ATF7IP2: variants seen among roughly 807,000 people sequenced by gnomAD.
ATF7IP2 encodes activating transcription factor 7 interacting protein 2.
In ATF7IP2, 42 loss-of-function variants were observed where a neutral mutation model predicts 64.2. That is an observed-to-expected ratio of 0.65 (90% CI 0.51 to 0.85). ATF7IP2 has a LOEUF of 0.85. ATF7IP2 is among the 40% of genes least tolerant of loss of function. ATF7IP2 has a pLI of 0.00. For synonymous variants in ATF7IP2, 308 were observed against 272.8 expected, an observed-to-expected ratio of 1.13 and a Z score of -1.27; for missense variants, 933 against 784.2, an observed-to-expected ratio of 1.19 and a Z score of -2.27.
chr16:10,392,612 G>A (rs777976279), intron 1 of ATF7IP2, among the ~76,000 whole-genome samples: 12 of 152,014 alleles, frequency 7.9e-5, no homozygotes, highest in Admixed American at 2.0e-4. Flanking sequence ...TTTGTATGAG[G>A]TCAGCAAACC....
chr16:10,457,325 A>T lies in ATF7IP2; in HGVS notation c.1195-47A>T. ...ATGCTAATTTTGTTTGGAAGGATACAATTGGTAAAATTCCCTTCAACTGCT... is the reference window on the plus strand; with the variant it reads ...ATGCTAATTTTGTTTGGAAGGATACTATTGGTAAAATTCCCTTCAACTGCT... On this transcript the variant is annotated intron_variant, in intron 8 of 13. Coordinates refer to ENST00000562102, the MANE Select transcript of ATF7IP2 (RefSeq NM_001393719.1). The T allele has an allele frequency of 2.6e-6, 4 of 1,524,504 alleles. No individual in the cohort carries two copies. In the South Asian group the frequency reaches 5.0e-5, roughly 19 times the overall value. The allele number at this position is 1,524,504 out of a possible 1,614,324, so 94.4% of individuals were successfully genotyped here. A position where few individuals can be genotyped will look rare whatever the true frequency, so the allele number is the denominator to read the frequency against.
rs202135148 is a variant in ATF7IP2 at position 10,430,824 on chromosome 16, C to T, written c.204C>T (p.Ser68=). Residue 68 remains serine, a synonymous_variant, in exon 5 of 14, where the codon AGC becomes AGT. Transcript: ENST00000562102. ...GGACGACTGAAATAACCAAATGTAG[C>T]CCTTCTGAAAATGGTGCATCCTCAT... The part of the protein sequence containing the change: ...ITRTTEITKC[S]PSENGASSLD... 2.5e-6 allele frequency: 4 copies of T among 1,613,840 alleles called. No homozygotes were observed. Among genetic ancestry groups the T allele is most frequent in the Admixed American group, 1.7e-5 (1 of 60,016 alleles).
At chr16:10,451,006 C>T (rs2048967133) in intron 8 of ATF7IP2, among the ~76,000 whole-genome samples, 4 of 152,156 alleles carry the variant, frequency 2.6e-5, no homozygotes, top group African/African-American at 9.7e-5. Flanking sequence ...GTAAGGCAGG[C>T]CTGGTGGTGA....
intron 1 of ATF7IP2, among the ~76,000 whole-genome samples, chr16:10,395,661 T>G (rs917518376): frequency 2.0e-5 from 3 of 152,196 alleles, no homozygotes; most frequent in Admixed American, 2.0e-4. Flanking sequence ...TTAAGTGCCA[T>G]ATCAAAGAGA....
At chr16:10,451,227 T>G (rs2048974558) in intron 8 of ATF7IP2, among the ~76,000 whole-genome samples, 1 of 152,234 alleles carries the variant, frequency 6.6e-6, no homozygotes, top group African/African-American at 2.4e-5. Context: ...ACCTTACCTT[T>G]CTCTCTGGCT....
At chr16:10,472,868 A>AG (rs1189750474) in intron 10 of ATF7IP2, among the ~76,000 whole-genome samples, 2 of 152,008 alleles carry the variant, frequency 1.3e-5, no homozygotes, top group Non-Finnish European at 2.9e-5. Context: ...AAAAAAAAAA[A>AG]AAAAAATTTT....
chr16:10,480,089 A>C (rs887914620), intron 12 of ATF7IP2, among the ~76,000 whole-genome samples: 3 of 146,522 alleles, frequency 2.0e-5, no homozygotes, highest in Non-Finnish European at 4.5e-5. Flanking sequence ...CCCGGGTTTA[A>C]GCAATTCTCT....
rs539634966 is a variant in ATF7IP2 at position 10,394,759 on chromosome 16, G to A, written c.-242+8637G>A. 1.5e-3 allele frequency among the ~76,000 whole-genome samples: 221 copies of A among 152,196 alleles called. 2 individuals are homozygous for A. The highest frequency in any genetic ancestry group is 2.2e-3 in the Non-Finnish European group (152 of 68,008). ...GTTGAAATTAACACTCCTAAATAATGGGTCAAAGAAATCATGAGGTTAATT... is the reference window on the plus strand; with the variant it reads ...GTTGAAATTAACACTCCTAAATAATAGGTCAAAGAAATCATGAGGTTAATT... On this transcript the variant is annotated intron_variant, in intron 1 of 13. Coordinates refer to ENST00000562102, the MANE Select transcript of ATF7IP2 (RefSeq NM_001393719.1).
intron 9 of ATF7IP2, among the ~76,000 whole-genome samples, chr16:10,466,548 C>G (rs759005876): frequency 4.6e-5 from 7 of 152,036 alleles, no homozygotes; most frequent in Non-Finnish European, 7.4e-5. Flanking sequence ...GTATCTCTTT[C>G]TTTTTAGCCA....
At chr16:10,439,373 C>G (rs914588749) in intron 7 of ATF7IP2, among the ~76,000 whole-genome samples, 1 of 151,220 alleles carries the variant, frequency 6.6e-6, no homozygotes, top group East Asian at 2.0e-4. Flanking sequence ...GTAGCTGGGA[C>G]TACAGGCGCC....
intron 9 of ATF7IP2, among the ~76,000 whole-genome samples, chr16:10,463,409 C>A (rs2049439479): frequency 6.6e-6 from 1 of 152,200 alleles, no homozygotes; most frequent in Admixed American, 6.5e-5. Flanking sequence ...GAATATGGCA[C>A]AAGTGACATT....
intron 6 of ATF7IP2, among the ~76,000 whole-genome samples, 198 bp downstream of exon 6, chr16:10,433,847 T>C (rs1359068081): frequency 1.3e-5 from 2 of 152,116 alleles, no homozygotes; most frequent in Admixed American, 1.3e-4. Context: ...TTCTTGAAAA[T>C]GGTCTCATGC....
intron 8 of ATF7IP2, chr16:10,446,202 G>T (rs893315620): frequency 6.6e-6 from 1 of 152,168 alleles, no homozygotes; most frequent in African/African-American, 2.4e-5. Context: ...CCTAACTTTT[G>T]TATGGTAATT....
intron 3 of ATF7IP2, among the ~76,000 whole-genome samples, chr16:10,420,471 T>C (rs1356534267): frequency 6.6e-6 from 1 of 152,220 alleles, no homozygotes; most frequent in Non-Finnish European, 1.5e-5. Flanking sequence ...ATAATAGCTT[T>C]AGCTTCTTTC....
chr16:10,432,536 G>T (rs942297389), intron 5 of ATF7IP2, among the ~76,000 whole-genome samples: 1 of 152,000 alleles, frequency 6.6e-6, no homozygotes, highest in African/African-American at 2.4e-5. Context: ...AGCCATCCAG[G>T]CTAGCCTGGG....
intron 1 of ATF7IP2, among the ~76,000 whole-genome samples, chr16:10,402,982 A>G (rs1465502657): frequency 6.6e-6 from 1 of 152,034 alleles, no homozygotes; most frequent in Non-Finnish European, 1.5e-5. Flanking sequence ...TGTGCTAATG[A>G]GAAAAATGTA....
intron 8 of ATF7IP2, among the ~76,000 whole-genome samples, chr16:10,443,791 C>T (rs2048710552): frequency 6.6e-6 from 1 of 152,068 alleles, no homozygotes; most frequent in South Asian, 2.1e-4. Context: ...TAGAGACAGC[C>T]TAAGGTGGGC....
At chr16:10,398,731 G>A (rs1345420869) in intron 1 of ATF7IP2, among the ~76,000 whole-genome samples, 1 of 152,164 alleles carries the variant, frequency 6.6e-6, no homozygotes, top group Non-Finnish European at 1.5e-5. Flanking sequence ...ACTCATTTAA[G>A]GAAGGAGTAG....
chr16:10,470,835 A>G (rs544834907), intron 9 of ATF7IP2, among the ~76,000 whole-genome samples: 13 of 138,362 alleles, frequency 9.4e-5, no homozygotes, highest in Admixed American at 7.7e-4. Flanking sequence ...ATATATATAT[A>G]TATGTGTGTG....
Sources: allele counts gnomAD v4.1 joint callset (sites outside exome capture counted in the v4.1 genomes callset), GRCh38; gene constraint gnomAD v4.1.1; transcripts MANE v1.5; gene names NCBI Gene and HGNC (gene_info 2026-07-23, HGNC 2026-07-21).